The following CDK19 variants were observed in gnomAD, a reference collection of about 807,000 sequenced individuals.
CDK19 encodes cyclin-dependent kinase 19.
A neutral mutation model predicts 68.3 loss-of-function variants in CDK19; 20 were observed. That is an observed-to-expected ratio of 0.29 (90% confidence interval 0.21 to 0.43). The LOEUF (loss-of-function observed/expected upper bound fraction) is 0.43. CDK19 is among the 20% of genes least tolerant of loss of function. The probability of loss-of-function intolerance (pLI) is 1.00; values close to 1 mark genes in which losing one functional copy is unlikely to be tolerated. For synonymous variants in CDK19, 221 were observed against 222.8 expected, an observed-to-expected ratio of 0.99 and a Z score of 0.07; for missense variants, 339 against 623.5, an observed-to-expected ratio of 0.54 and a Z score of 4.86.
chr6:110,779,918 C>A (rs750066634), intron 1 of CDK19, among the ~76,000 whole-genome samples: 29 of 151,610 alleles, frequency 1.9e-4, no homozygotes, highest in Non-Finnish European at 3.5e-4. Context: ...AACCCTGTCT[C>A]TACAAAAATA....
intron 2 of CDK19, among the ~76,000 whole-genome samples, chr6:110,745,023 A>G (rs1301021257): frequency 6.6e-6 from 1 of 152,250 alleles, no homozygotes; most frequent in African/African-American, 2.4e-5. Context: ...ACAATTATTA[A>G]GTAACAATTA....
intron 2 of CDK19, among the ~76,000 whole-genome samples, chr6:110,672,459 T>A (rs982304820): frequency 6.6e-6 from 1 of 152,220 alleles, no homozygotes; most frequent in African/African-American, 2.4e-5. Flanking sequence ...AATAAATTCA[T>A]TTTAAGTCCT....
At chr6:110,702,413 C>A (rs1414035972) in intron 2 of CDK19, among the ~76,000 whole-genome samples, 1 of 151,664 alleles carries the variant, frequency 6.6e-6, no homozygotes, top group Non-Finnish European at 1.5e-5. Context: ...TGCCACTGCA[C>A]TGCAGCCCGG....
At chr6:110,798,481 G>A (rs1782105028) in intron 1 of CDK19, among the ~76,000 whole-genome samples, 1 of 151,602 alleles carries the variant, frequency 6.6e-6, no homozygotes, top group Non-Finnish European at 1.5e-5. Context: ...AAAATTAGCT[G>A]GGCATGATGG....
chr6:110,755,284 G>A (rs1233086661), intron 1 of CDK19, among the ~76,000 whole-genome samples: 2 of 151,830 alleles, frequency 1.3e-5, no homozygotes, highest in East Asian at 1.9e-4. Flanking sequence ...CAGGTGACCC[G>A]CTTGCCTCAC....
intron 2 of CDK19, among the ~76,000 whole-genome samples, chr6:110,738,230 C>T (rs986731080): frequency 6.6e-6 from 1 of 152,004 alleles, no homozygotes; most frequent in African/African-American, 2.4e-5. Context: ...TAAAAACAAG[C>T]CAGGTGTGGT....
intron 4 of CDK19, among the ~76,000 whole-genome samples, chr6:110,648,715 T>TC (rs1780777280): frequency 6.6e-6 from 1 of 151,610 alleles, no homozygotes; most frequent in Non-Finnish European, 1.5e-5. Context: ...TAATTTTTGT[T>TC]TTTTTGTTTT....
At chr6:110,806,403 C>T (rs898382225) in intron 1 of CDK19, among the ~76,000 whole-genome samples, 1 of 152,028 alleles carries the variant, frequency 6.6e-6, no homozygotes, top group Admixed American at 6.6e-5. Context: ...CCAACCCCCC[C>T]ATCTCCAGTC....
At chr6:110,812,702 T>C (rs1381788760) in intron 1 of CDK19, among the ~76,000 whole-genome samples, 1 of 151,838 alleles carries the variant, frequency 6.6e-6, no homozygotes, top group Non-Finnish European at 1.5e-5. Context: ...AATAGCATTA[T>C]GCATTTTCTG....
At chr6:110,646,601 G>C in intron 4 of CDK19, 1 of 664,584 alleles carries the variant, frequency 1.5e-6, no homozygotes, top group Non-Finnish European at 2.3e-6. Context: ...ACGGCGGAGG[G>C]GGCGGGGAGG....
chr6:110,783,243 T>A (rs1056216664), intron 1 of CDK19, among the ~76,000 whole-genome samples: 6 of 152,250 alleles, frequency 3.9e-5, no homozygotes, highest in Non-Finnish European at 8.8e-5. Context: ...AGGACCATCA[T>A]TAAATTTGCT....
intron 1 of CDK19, among the ~76,000 whole-genome samples, chr6:110,795,700 T>A (rs1781890546): frequency 6.6e-6 from 1 of 152,156 alleles, no homozygotes; most frequent in Non-Finnish European, 1.5e-5. Flanking sequence ...AGGACCAAGA[T>A]TTAGACACAA....
intron 1 of CDK19, among the ~76,000 whole-genome samples, chr6:110,748,436 C>T (rs1778225902): frequency 6.6e-6 from 1 of 152,168 alleles, no homozygotes; most frequent in Admixed American, 6.6e-5. Context: ...TAACTTCCAC[C>T]TGCTAAAATA....
intron 1 of CDK19, among the ~76,000 whole-genome samples, chr6:110,791,848 G>T (rs533694605): frequency 6.6e-6 from 1 of 152,056 alleles, no homozygotes; most frequent in South Asian, 2.1e-4. Flanking sequence ...GTCTCGCTAT[G>T]TTGTCTAGGC....
intron 5 of CDK19, among the ~76,000 whole-genome samples, chr6:110,636,966 A>G (rs1779817286): frequency 6.6e-6 from 1 of 152,260 alleles, no homozygotes; most frequent in South Asian, 2.1e-4. Context: ...AGGGCTGTAC[A>G]GCCAAAGAGT....
Position 110,815,245 on chromosome 6 carries a change from G to GCGCA in CDK19, c.-110_-109insTGCG, listed in dbSNP as rs1783542064. 9 of 1,184,846 alleles carry GCGCA rather than the reference G, an allele frequency of 7.6e-6. No homozygotes were observed. The South Asian group carries it at 1.0e-4, about 13-fold the overall frequency. The allele number at this position is 1,184,846 out of a possible 1,614,324, so 73.4% of individuals were successfully genotyped here. A position where few individuals can be genotyped will look rare whatever the true frequency, so the allele number is the denominator to read the frequency against. ...CACTTCTCCAACAGCCGCCTCTCGC[G>GCGCA]CGCGCGCGCGCGCCGCCCGCCGCCC... On this transcript the variant is annotated 5_prime_UTR_variant, in exon 1 of 13. Coordinates refer to ENST00000368911, the MANE Select transcript of CDK19 (RefSeq NM_015076.5).
intron 4 of CDK19, chr6:110,646,478 C>T: frequency 6.8e-7 from 1 of 1,470,358 alleles, no homozygotes; most frequent in Admixed American, 2.3e-5. Context: ...GAAGGCGGAG[C>T]CCAGCTCGTT....
At position 110,723,663 on chromosome 6, in the gene CDK19, C is replaced by T. The variant is rs183151533; in HGVS notation, c.204+22463G>A. 1.0e-3 allele frequency among the ~76,000 whole-genome samples: 155 copies of T among 152,280 alleles called. 1 individual carries two copies. Among genetic ancestry groups the T allele is most frequent in the Admixed American group, 2.5e-3 (38 of 15,278 alleles). Reference sequence around the variant, plus strand: ...AAAAGTTCTAAATAAAACAAACTTACACTAATCACTCCTGATTTTCACAAA... The same window carrying T: ...AAAAGTTCTAAATAAAACAAACTTATACTAATCACTCCTGATTTTCACAAA... On this transcript the variant is annotated intron_variant, in intron 2 of 12. Coordinates refer to ENST00000368911, the MANE Select transcript of CDK19 (RefSeq NM_015076.5).
At chr6:110,693,504 G>A (rs1377353161) in intron 2 of CDK19, among the ~76,000 whole-genome samples, 1 of 152,372 alleles carries the variant, frequency 6.6e-6, no homozygotes, top group East Asian at 1.9e-4. Flanking sequence ...TTATGCCCTG[G>A]GGTGAGAGTG....
Sources: allele counts gnomAD v4.1 joint callset (sites outside exome capture counted in the v4.1 genomes callset), GRCh38; gene constraint gnomAD v4.1.1; transcripts MANE v1.5; gene names NCBI Gene and HGNC (gene_info 2026-07-23, HGNC 2026-07-21).